The following EBF3 variants were observed in gnomAD, a reference collection of about 807,000 sequenced individuals.
The protein encoded by EBF3 is EBF transcription factor 3.
In EBF3, 18 loss-of-function variants were observed where a neutral mutation model predicts 77.1. That is an observed-to-expected ratio of 0.23 (90% CI 0.16 to 0.35). The LOEUF is 0.35. Among genes scored for constraint, EBF3 ranks in the 10% least tolerant of loss-of-function variants. The pLI, the probability that EBF3 is intolerant of heterozygous loss-of-function variation, is 1.00. For missense variants in EBF3, 558 were observed against 860.0 expected, an observed-to-expected ratio of 0.65 and a Z score of 4.39; for synonymous variants, 350 against 343.5, an observed-to-expected ratio of 1.02 and a Z score of -0.21.
At chr10:129,852,976 G>T (rs1851000818) in intron 10 of EBF3, among the ~76,000 whole-genome samples, 1 of 152,198 alleles carries the variant, frequency 6.6e-6, no homozygotes, top group African/African-American at 2.4e-5. Context: ...TCCCCCCAAG[G>T]CCTGGAGGCT....
intron 6 of EBF3, among the ~76,000 whole-genome samples, chr10:129,890,546 G>A (rs1042492174): frequency 6.6e-6 from 1 of 152,228 alleles, no homozygotes; most frequent in African/African-American, 2.4e-5. Flanking sequence ...AGTTTAACTC[G>A]ATCAGCTAGT....
At chr10:129,926,913 G>T (rs573984744) in intron 6 of EBF3, among the ~76,000 whole-genome samples, 1 of 152,182 alleles carries the variant, frequency 6.6e-6, no homozygotes, top group East Asian at 1.9e-4. Flanking sequence ...GCCTGCTCCC[G>T]GGGGACAGGC....
chr10:129,928,376 C>G (rs1420432374), intron 6 of EBF3, among the ~76,000 whole-genome samples: 1 of 152,184 alleles, frequency 6.6e-6, no homozygotes, highest in African/African-American at 2.4e-5. Flanking sequence ...TTAAACAAAA[C>G]TGGGATCATC....
rs1240268486 is a variant in EBF3 at position 129,897,330 on chromosome 10, A to G, written c.555-19481T>C. ...GATGAGGCCCATGGCTGTGTGGGTG[A>G]GTTCTTGGGGGTACACCAGTGGCCC... On this transcript the variant is annotated intron_variant, in intron 6 of 16. Transcript: ENST00000440978. This position sits in a 1 kb window ranked among gnomAD's most constrained non-coding sequence, Gnocchi z 4.6. Among the ~76,000 whole-genome samples, 1 of 152,104 alleles carries G rather than the reference A, an allele frequency of 6.6e-6. No homozygotes were observed. Among genetic ancestry groups the G allele is most frequent in the East Asian group, 1.9e-4 (1 of 5,172 alleles).
intron 8 of EBF3, 126 bp downstream of exon 8, chr10:129,873,326 C>T (rs1390167394): frequency 2.3e-5 from 27 of 1,165,790 alleles, no homozygotes; most frequent in Non-Finnish European, 1.1e-6. Flanking sequence ...CTCATCCTGC[C>T]TTGGTGCAGG....
intron 11 of EBF3, among the ~76,000 whole-genome samples, chr10:129,846,067 A>G (rs527400016): frequency 6.7e-6 from 1 of 150,200 alleles, no homozygotes; most frequent in East Asian, 2.0e-4. Flanking sequence ...TTTTTGCCAC[A>G]TGAGTGCCTC....
At chr10:129,891,523 G>A (rs1854016017) in intron 6 of EBF3, among the ~76,000 whole-genome samples, 1 of 152,160 alleles carries the variant, frequency 6.6e-6, no homozygotes, top group Non-Finnish European at 1.5e-5. Flanking sequence ...TTTGTCCTAA[G>A]GCCGTTCTTC....
chr10:129,950,653 C>A (rs536174646), intron 6 of EBF3, among the ~76,000 whole-genome samples: 27 of 152,094 alleles, frequency 1.8e-4, no homozygotes, highest in Admixed American at 3.9e-4. Context: ...CAAAAAAAAA[C>A]CCCTTAACCC....
Position 129,913,151 on chromosome 10 carries a change from G to A in EBF3, c.555-35302C>T, listed in dbSNP as rs547449186. ...TTCTCTTGCCTGACAGAAGCATTCC[G>A]GGCCTGATTAGAAGGGCCTTGTTAG... On this transcript the variant is annotated intron_variant, in intron 6 of 16. Transcript: ENST00000440978. Among the ~76,000 whole-genome samples, 40 of 152,344 alleles carry A rather than the reference G, an allele frequency of 2.6e-4. 1 individual carries two copies. The highest frequency in any genetic ancestry group is 2.3e-3 in the South Asian group (11 of 4,830).
At chr10:129,862,837 C>G (rs1851734314) in intron 10 of EBF3, among the ~76,000 whole-genome samples, 1 of 152,216 alleles carries the variant, frequency 6.6e-6, no homozygotes, top group African/African-American at 2.4e-5. Context: ...TTTTATTACT[C>G]TTAACCATTT....
At chr10:129,866,618 G>A (rs1463338208) in intron 10 of EBF3, among the ~76,000 whole-genome samples, 1 of 152,170 alleles carries the variant, frequency 6.6e-6, no homozygotes, top group East Asian at 1.9e-4. Flanking sequence ...CGTCATGCAG[G>A]GTTCAAGACC....
chr10:129,899,207 A>G (rs1380816503), intron 6 of EBF3, among the ~76,000 whole-genome samples: 1 of 152,226 alleles, frequency 6.6e-6, no homozygotes, highest in African/African-American at 2.4e-5. Flanking sequence ...CCTCCACTTC[A>G]TCATTCATAA....
At chr10:129,916,922 C>G (rs1461646176) in intron 6 of EBF3, among the ~76,000 whole-genome samples, 1 of 152,142 alleles carries the variant, frequency 6.6e-6, no homozygotes, top group Non-Finnish European at 1.5e-5. Context: ...GGGCTAGTGA[C>G]CCCCAAAGCC....
Position 129,943,024 on chromosome 10 carries a change from T to C in EBF3, c.554+14234A>G, listed in dbSNP as rs1355701737. 6.6e-6 allele frequency among the ~76,000 whole-genome samples: 1 copy of C among 152,218 alleles called. No homozygotes were observed. The highest frequency in any genetic ancestry group is 1.5e-5 in the Non-Finnish European group (1 of 68,040). Reference sequence around the variant, plus strand: ...CTAATGGGTGTTTTTCTCTGGATTCTAAGAGGAAGGTAGCAGATACAACCG... The same window carrying C: ...CTAATGGGTGTTTTTCTCTGGATTCCAAGAGGAAGGTAGCAGATACAACCG... On this transcript the variant is annotated intron_variant, in intron 6 of 16. Coordinates refer to ENST00000440978, the MANE Select transcript of EBF3 (RefSeq NM_001375380.1). The surrounding 1 kb of genome is among the most constrained non-coding windows in gnomAD (Gnocchi z 8.8).
At position 129,836,609 on chromosome 10, in the gene EBF3, AGG is replaced by A. The variant is rs551081698; in HGVS notation, c.*1332_*1333del. 2.1e-5 allele frequency: 3 copies of A among 140,564 alleles called. No individual in the cohort carries two copies. In the East Asian group the frequency reaches 6.4e-4, roughly 30 times the overall value. 8.7% of individuals were successfully genotyped at this position (140,564 alleles called of 1,614,324 possible). On this transcript the variant is annotated 3_prime_UTR_variant, in exon 17 of 17. Coordinates refer to ENST00000440978, the MANE Select transcript of EBF3 (RefSeq NM_001375380.1). ...ACTTTTCCTCAAAATAAAAAAAAAA[AGG>A]ATGGAAAGTCTAAACAATAGCATAT...
chr10:129,867,643 G>T, intron 9 of EBF3, 139 bp downstream of exon 9: 1 of 1,421,090 alleles, frequency 7.0e-7, no homozygotes, highest in Non-Finnish European at 9.4e-7. Context: ...GGGAGAAGCT[G>T]CTGCCACAGG....
intron 8 of EBF3, among the ~76,000 whole-genome samples, chr10:129,869,089 T>C (rs1032583221): frequency 1.3e-5 from 2 of 152,198 alleles, no homozygotes; most frequent in African/African-American, 4.8e-5. Context: ...TTGCTGATGT[T>C]TGGACACAAT....
Position 129,935,986 on chromosome 10 carries a change from C to T in EBF3, c.554+21272G>A, listed in dbSNP as rs879274480. On this transcript the variant is annotated intron_variant, in intron 6 of 16. Transcript: ENST00000440978. This position sits in a 1 kb window ranked among gnomAD's most constrained non-coding sequence, Gnocchi z 4.2. ...GGGGGCTTCCTGAAGCTGCCCCCCCCGCCCAACAATGCAGCTGGTGCCCAG... is the reference window on the plus strand; with the variant it reads ...GGGGGCTTCCTGAAGCTGCCCCCCCTGCCCAACAATGCAGCTGGTGCCCAG... Among the ~76,000 whole-genome samples the T allele has an allele frequency of 2.8e-4, 39 of 137,968 alleles. No homozygotes were observed. The highest frequency in any genetic ancestry group is 5.4e-4 in the Non-Finnish European group (36 of 67,080). The allele number at this position is 137,968 out of a possible 152,430, so 90.5% of individuals were successfully genotyped here.
chr10:129,867,345 A>G (rs1564839593), intron 9 of EBF3, 78 bp from the exon 10 acceptor site: 8 of 1,583,548 alleles, frequency 5.1e-6, no homozygotes, highest in East Asian at 4.6e-5. Context: ...GGATATAATT[A>G]CCAAAATGAG....
Sources: gnomAD v4.1 joint callset for allele counts (sites outside exome capture counted in the v4.1 genomes callset) on GRCh38, gnomAD v4.1.1 for gene constraint, Gnocchi (gnomAD v3.1) non-coding constraint, MANE v1.5 for transcripts, NCBI Gene and HGNC (gene_info 2026-07-23, HGNC 2026-07-21) for gene names.